S100Z: variants seen among roughly 807,000 people sequenced by gnomAD.
S100Z encodes the protein S100 calcium binding protein Z.
S100Z carries 11 observed loss-of-function variants against 8.5 expected under a neutral mutation model. The observed-to-expected ratio is 1.30, with a 90% CI of 0.82 to 2.15. The LOEUF is 2.15. S100Z is among the 30% of genes most tolerant of loss of function. S100Z has a pLI of 0.00. For missense variants in S100Z, 126 were observed against 117.9 expected (o/e 1.07, Z -0.32); for synonymous variants, 34 against 43.8 (o/e 0.78, Z 0.89).
chr5:76,894,894 T>G (rs543388261), intron 4 of S100Z, among the ~76,000 whole-genome samples: 1 of 152,162 alleles, frequency 6.6e-6, no homozygotes, highest in South Asian at 2.1e-4. Flanking sequence ...CACCCTAAAT[T>G]TTTTCTTTAT....
At chr5:76,919,253 G>A (rs528236889) in intron 4 of S100Z, among the ~76,000 whole-genome samples, 4 of 152,284 alleles carry the variant, frequency 2.6e-5, no homozygotes, top group African/African-American at 9.6e-5. Context: ...TCAGTTTTGT[G>A]AGAAACCACC....
At chr5:76,886,784 A>T (rs1743654736) in intron 4 of S100Z, among the ~76,000 whole-genome samples, 1 of 152,190 alleles carries the variant, frequency 6.6e-6, no homozygotes, top group South Asian at 2.1e-4. Flanking sequence ...GGTGGATCTC[A>T]CGAAGTACAT....
intron 4 of S100Z, among the ~76,000 whole-genome samples, chr5:76,886,854 C>T (rs1743657902): frequency 6.6e-6 from 1 of 152,100 alleles, no homozygotes; most frequent in Non-Finnish European, 1.5e-5. Flanking sequence ...TTACAAAGTA[C>T]ATTGATCAGT....
intron 4 of S100Z, among the ~76,000 whole-genome samples, chr5:76,906,970 GTGTGTGTATATATATATA>G (rs1180023774): frequency 3.8e-5 from 1 of 26,088 alleles, no homozygotes; most frequent in African/African-American, 3.4e-4. Context: ...ATTCCATTGT[GTGTGTGTATATATATATA>G]TATATATATA....
intron 4 of S100Z, among the ~76,000 whole-genome samples, chr5:76,898,484 C>A (rs1379192824): frequency 6.6e-6 from 1 of 151,996 alleles, no homozygotes; most frequent in Non-Finnish European, 1.5e-5. Flanking sequence ...TCCCTCTATC[C>A]CCAGTTTTTT....
chr5:76,852,100 T>A (rs1440220835), intron 1 of S100Z, among the ~76,000 whole-genome samples: 1 of 151,860 alleles, frequency 6.6e-6, no homozygotes, highest in Non-Finnish European at 1.5e-5. Flanking sequence ...CTGAGCCATA[T>A]CCCATCTGGC....
At position 76,910,608 on chromosome 5, in the gene S100Z, A is replaced by G. The variant is rs570889851; in HGVS notation, c.*3-10109A>G. 7.2e-5 allele frequency among the ~76,000 whole-genome samples: 11 copies of G among 152,262 alleles called. No individual in the cohort carries two copies. In the South Asian group the frequency reaches 1.7e-3, roughly 23 times the overall value. On this transcript the variant is annotated intron_variant, in intron 4 of 4. Transcript: ENST00000317593. Reference sequence around the variant, plus strand: ...TCATGTCCACTATGCTGAGGCAATCACTGGAAGGTGCACTGCCCCAGAGGA... The same window carrying G: ...TCATGTCCACTATGCTGAGGCAATCGCTGGAAGGTGCACTGCCCCAGAGGA...
chr5:76,916,532 C>CAAA (rs562923963), intron 4 of S100Z, among the ~76,000 whole-genome samples: 1 of 88,676 alleles, frequency 1.1e-5, no homozygotes, highest in African/African-American at 3.5e-5. Flanking sequence ...TGTCCTAGGC[C>CAAA]AAAAAAAAAA....
chr5:76,926,801 A>C, the S100Z span, among the ~76,000 whole-genome samples: 3 of 152,218 alleles, frequency 2.0e-5, no homozygotes, highest in African/African-American at 7.2e-5. Flanking sequence ...TCAGCTTTGC[A>C]AAATAGAAAG....
chr5:76,898,575 C>G (rs1744120412), intron 4 of S100Z, among the ~76,000 whole-genome samples: 1 of 152,090 alleles, frequency 6.6e-6, no homozygotes, highest in Non-Finnish European at 1.5e-5. Flanking sequence ...TGGTTTTTAT[C>G]CTTCATTTTG....
chr5:76,864,398 T>A (rs1265216860), intron 1 of S100Z, among the ~76,000 whole-genome samples: 19 of 114,350 alleles, frequency 1.7e-4, no homozygotes, highest in African/African-American at 7.2e-4. Context: ...TTTTTTTTTT[T>A]TTTTTTTTTT....
chr5:76,931,373 G>A, the S100Z span, among the ~76,000 whole-genome samples: 25 of 152,028 alleles, frequency 1.6e-4, no homozygotes, highest in African/African-American at 5.6e-4. Flanking sequence ...TCAGCCTCCC[G>A]AAGTGTTGGG....
Position 76,867,473 on chromosome 5 carries a change from C to T in S100Z, c.-175-2693C>T, listed in dbSNP as rs114022560. 1.4e-3 allele frequency among the ~76,000 whole-genome samples: 213 copies of T among 152,226 alleles called. 1 individual carries two copies. Among genetic ancestry groups the T allele is most frequent in the Middle Eastern group, 6.8e-3 (2 of 294 alleles). ...TGACAGGATGCCTCTTCTTCACATA[C>T]GTCTTGTCTTTCAGAGTCCATGACC... On this transcript the variant is annotated intron_variant, in intron 1 of 4. Transcript: ENST00000317593.
downstream of S100Z, among the ~76,000 whole-genome samples, chr5:76,924,311 T>C (rs919143952): frequency 1.3e-5 from 2 of 152,220 alleles, no homozygotes; most frequent in Non-Finnish European, 2.9e-5. Flanking sequence ...TAGGTAATCA[T>C]CCTCCTGGGA....
chr5:76,904,483 G>A (rs1046339466), intron 4 of S100Z, among the ~76,000 whole-genome samples: 8 of 152,072 alleles, frequency 5.3e-5, no homozygotes, highest in East Asian at 1.9e-4. Context: ...GTTTCGCCAC[G>A]TTGGCCAGGC....
intron 4 of S100Z, among the ~76,000 whole-genome samples, chr5:76,907,558 C>T (rs1247000783): frequency 6.6e-6 from 1 of 152,196 alleles, no homozygotes; most frequent in African/African-American, 2.4e-5. Context: ...CTGTCTCAGC[C>T]TCCCAAAGTG....
chr5:76,894,632 G>A (rs1743972852), intron 4 of S100Z, among the ~76,000 whole-genome samples: 1 of 137,530 alleles, frequency 7.3e-6, no homozygotes, highest in Non-Finnish European at 1.5e-5. Flanking sequence ...TTTCACTCTT[G>A]TTGCCCAGGC....
At chr5:76,874,139 T>C (rs1043822536) in intron 2 of S100Z, among the ~76,000 whole-genome samples, 1 of 152,118 alleles carries the variant, frequency 6.6e-6, no homozygotes, top group Non-Finnish European at 1.5e-5. Flanking sequence ...TATTTCTTTT[T>C]TACACAGTTG....
At chr5:76,889,338 G>A (rs1018108345) in intron 4 of S100Z, among the ~76,000 whole-genome samples, 3 of 152,268 alleles carry the variant, frequency 2.0e-5, no homozygotes, top group Middle Eastern at 3.4e-3. Flanking sequence ...CATTGAAGCC[G>A]TATCATTTAG....
Sources: gnomAD v4.1 joint callset for allele counts (sites outside exome capture counted in the v4.1 genomes callset) on GRCh38, gnomAD v4.1.1 for gene constraint, MANE v1.5 for transcripts, NCBI Gene and HGNC (gene_info 2026-07-23, HGNC 2026-07-21) for gene names.